The following PPP2R2B variants were observed in gnomAD, a reference collection of about 807,000 sequenced individuals.
PPP2R2B encodes protein phosphatase 2 regulatory subunit Bbeta.
A neutral mutation model predicts 46.0 loss-of-function variants in PPP2R2B; 5 were observed. The observed-to-expected ratio is 0.11, with a 90% CI of 0.06 to 0.23. PPP2R2B has a LOEUF of 0.23. PPP2R2B is among the 10% of genes least tolerant of loss of function. PPP2R2B has a pLI of 1.00. For missense variants in PPP2R2B, 367 were observed against 575.0 expected, an observed-to-expected ratio of 0.64 and a Z score of 3.70; for synonymous variants, 215 against 206.7, an observed-to-expected ratio of 1.04 and a Z score of -0.34.
At chr5:147,014,660 C>T (rs559991033) in intron 1 of PPP2R2B, among the ~76,000 whole-genome samples, 3 of 150,192 alleles carry the variant, frequency 2.0e-5, no homozygotes, top group Non-Finnish European at 4.4e-5. Context: ...ACCGCATATT[C>T]TCACTCATAG....
intron 1 of PPP2R2B, among the ~76,000 whole-genome samples, chr5:147,000,083 GA>G (rs1327204046): frequency 6.6e-6 from 1 of 150,642 alleles, no homozygotes; most frequent in Non-Finnish European, 1.5e-5. Context: ...GACTTTAACA[GA>G]CAGAGGGATT....
At chr5:146,605,840 A>AT (rs1772208667) in intron 7 of PPP2R2B, among the ~76,000 whole-genome samples, 1 of 152,230 alleles carries the variant, frequency 6.6e-6, no homozygotes, top group Non-Finnish European at 1.5e-5. Context: ...TTATATTGCT[A>AT]TAGTCAAAAC....
intron 2 of PPP2R2B, among the ~76,000 whole-genome samples, chr5:146,857,223 G>A (rs980399799): frequency 2.6e-5 from 4 of 152,096 alleles, no homozygotes; most frequent in East Asian, 1.9e-4. Context: ...CACCTCACTC[G>A]TTAGAAATGG....
chr5:147,007,565 C>A (rs1446400134), intron 1 of PPP2R2B, among the ~76,000 whole-genome samples: 1 of 152,152 alleles, frequency 6.6e-6, no homozygotes. Flanking sequence ...TGCTCAGGTC[C>A]CCTTCCACAC....
intron 2 of PPP2R2B, among the ~76,000 whole-genome samples, chr5:146,701,605 G>T (rs1291208883): frequency 6.6e-6 from 1 of 152,164 alleles, no homozygotes; most frequent in East Asian, 1.9e-4. Flanking sequence ...ATGGAAAATG[G>T]AGGAACAGAG....
intron 1 of PPP2R2B, among the ~76,000 whole-genome samples, chr5:147,026,536 ATCTC>A (rs1175973244): frequency 6.6e-6 from 1 of 152,138 alleles, no homozygotes; most frequent in Non-Finnish European, 1.5e-5. Context: ...ATGTGTATAT[ATCTC>A]TCTATATATG....
chr5:146,857,681 C>G (rs1582283704), intron 2 of PPP2R2B, among the ~76,000 whole-genome samples: 1 of 149,300 alleles, frequency 6.7e-6, no homozygotes, highest in East Asian at 2.0e-4. Context: ...ATATACATAA[C>G]TGTACTAATT....
At chr5:146,949,502 C>T (rs1299230320) in intron 1 of PPP2R2B, among the ~76,000 whole-genome samples, 1 of 151,888 alleles carries the variant, frequency 6.6e-6, no homozygotes, top group Non-Finnish European at 1.5e-5. Flanking sequence ...GGTTTTTATC[C>T]AGACAGGCAA....
intron 1 of PPP2R2B, among the ~76,000 whole-genome samples, chr5:146,888,125 G>A (rs1762386941): frequency 1.3e-5 from 2 of 151,900 alleles, no homozygotes; most frequent in Admixed American, 1.3e-4. Flanking sequence ...ACCTCTAAAT[G>A]TATAACTACC....
intron 2 of PPP2R2B, among the ~76,000 whole-genome samples, chr5:146,743,809 A>G (rs1170261731): frequency 6.6e-6 from 1 of 152,212 alleles, no homozygotes; most frequent in African/African-American, 2.4e-5. Context: ...TGCCTCAAAT[A>G]TGGCCACAAA....
chr5:146,939,366 G>C (rs1461161460), intron 1 of PPP2R2B, among the ~76,000 whole-genome samples: 1 of 152,192 alleles, frequency 6.6e-6, no homozygotes, highest in African/African-American at 2.4e-5. Flanking sequence ...GTGAGACCCT[G>C]AGCACATGCA....
chr5:146,764,886 T>A (rs1448629314), intron 2 of PPP2R2B, among the ~76,000 whole-genome samples: 1 of 152,084 alleles, frequency 6.6e-6, no homozygotes, highest in Admixed American at 6.6e-5. Flanking sequence ...ACCATCCTAG[T>A]GGATCTTCCT....
chr5:147,070,820 C>G lies in PPP2R2B; in HGVS notation c.50+10239G>C, dbSNP rs901672071. Among the ~76,000 whole-genome samples, 3 of 152,140 alleles carry G rather than the reference C, an allele frequency of 2.0e-5. No individual in the cohort carries two copies. The East Asian group carries it at 5.8e-4, about 29-fold the overall frequency. On this transcript the variant is annotated intron_variant, in intron 2 of 10. Transcript: ENST00000394413. The stretch of plus-strand genomic sequence containing the variant: ...CATCCTCCACTCAGGCATGATGATC[C>G]TATACCAAACTCAGATGCAAGCCCA...
intron 1 of PPP2R2B, among the ~76,000 whole-genome samples, chr5:147,046,903 A>G (rs1756570560): frequency 6.6e-6 from 1 of 152,114 alleles, no homozygotes; most frequent in African/African-American, 2.4e-5. Flanking sequence ...AAACTCCTGC[A>G]AATGGGTTAC....
intron 1 of PPP2R2B, among the ~76,000 whole-genome samples, chr5:147,025,986 G>A (rs995643953): frequency 4.6e-5 from 7 of 152,192 alleles, no homozygotes; most frequent in African/African-American, 1.7e-4. Context: ...CTACCAAATG[G>A]TAGTGAGAAT....
intron 8 of PPP2R2B, among the ~76,000 whole-genome samples, chr5:146,594,001 C>CAGAT (rs147724048): frequency 6.6e-6 from 1 of 152,120 alleles, no homozygotes; most frequent in East Asian, 1.9e-4. Flanking sequence ...AGGGAAAGAG[C>CAGAT]AGATAGGACT....
intron 1 of PPP2R2B, among the ~76,000 whole-genome samples, chr5:147,027,274 T>C (rs902314960): frequency 6.7e-6 from 1 of 150,270 alleles, no homozygotes; most frequent in Non-Finnish European, 1.5e-5. Flanking sequence ...ATTGCAAATG[T>C]ACTAAATACC....
intron 2 of PPP2R2B, among the ~76,000 whole-genome samples, chr5:146,773,387 G>A (rs1754989093): frequency 6.6e-6 from 1 of 152,204 alleles, no homozygotes; most frequent in African/African-American, 2.4e-5. Context: ...GCACAAAGCA[G>A]AGCCAGGCTT....
chr5:146,873,074 C>T (rs1379031307), intron 2 of PPP2R2B, among the ~76,000 whole-genome samples: 2 of 152,210 alleles, frequency 1.3e-5, no homozygotes, highest in African/African-American at 4.8e-5. Context: ...CTAGATGTCT[C>T]ACTGTCTTCT....
Sources: allele counts gnomAD v4.1 joint callset (sites outside exome capture counted in the v4.1 genomes callset), GRCh38; gene constraint gnomAD v4.1.1; transcripts MANE v1.5; gene names NCBI Gene and HGNC (gene_info 2026-07-23, HGNC 2026-07-21).